Variants in CHRM3 observed in about 807,000 individuals in gnomAD.
CHRM3 encodes cholinergic receptor muscarinic 3.
Under a neutral mutation model 41.8 loss-of-function variants are expected in CHRM3, and 11 were observed. The ratio of observed to expected loss-of-function variants is 0.26; its 90% CI spans 0.17 to 0.44. CHRM3 has a LOEUF of 0.44. Among genes scored for constraint, CHRM3 ranks in the 20% least tolerant of loss-of-function variants. CHRM3 has a pLI of 1.00. For missense variants in CHRM3, 571 were observed against 745.4 expected (o/e 0.77, Z 2.72); for synonymous variants, 297 against 301.4 (o/e 0.99, Z 0.15).
intron 3 of CHRM3, among the ~76,000 whole-genome samples, chr1:239,600,860 A>T (rs1337853635): frequency 7.0e-6 from 1 of 142,454 alleles, no homozygotes; most frequent in African/African-American, 2.6e-5. Context: ...TCTTTCATTC[A>T]TTCCTCATTT....
chr1:239,392,062 T>C (rs1455183290), intron 1 of CHRM3, among the ~76,000 whole-genome samples: 2 of 152,220 alleles, frequency 1.3e-5, no homozygotes, highest in Non-Finnish European at 2.9e-5. Context: ...GTACTGGATT[T>C]AATGTCTGGC....
At chr1:239,742,152 T>C (rs566192068) in intron 5 of CHRM3, among the ~76,000 whole-genome samples, 1 of 152,298 alleles carries the variant, frequency 6.6e-6, no homozygotes, top group Non-Finnish European at 1.5e-5. Context: ...AAGTCAATTT[T>C]ATAATAAAAG....
chr1:239,528,164 G>C (rs1217751087), intron 2 of CHRM3, among the ~76,000 whole-genome samples: 1 of 152,212 alleles, frequency 6.6e-6, no homozygotes. Flanking sequence ...CTTATGCAGA[G>C]ATGATGGCAA....
At chr1:239,459,233 G>C (rs554756163) in intron 1 of CHRM3, among the ~76,000 whole-genome samples, 1 of 151,862 alleles carries the variant, frequency 6.6e-6, no homozygotes, top group South Asian at 2.1e-4. Context: ...GAAAAATCAA[G>C]TACCTATTTT....
At chr1:239,622,120 A>G (rs2165870) in intron 3 of CHRM3, among the ~76,000 whole-genome samples, 113,190 of 152,066 alleles carry the variant, frequency 0.74, 43,341 homozygotes, top group African/African-American at 0.93. Context: ...TTACAGCCTG[A>G]TATACTGAAT....
chr1:239,706,626 A>ACACG (rs1476004677), intron 5 of CHRM3: 1 of 152,022 alleles, frequency 6.6e-6, no homozygotes, highest in African/African-American at 2.5e-5. Context: ...GTACACACAC[A>ACACG]CACACACACA....
At chr1:239,449,702 GCTTT>G (rs1664420140) in intron 1 of CHRM3, among the ~76,000 whole-genome samples, 1 of 151,768 alleles carries the variant, frequency 6.6e-6, no homozygotes, top group Admixed American at 6.6e-5. Context: ...AATTTTCTCA[GCTTT>G]CTATTTAGGA....
chr1:239,411,452 C>T (rs1010638471), intron 1 of CHRM3, among the ~76,000 whole-genome samples: 5 of 152,036 alleles, frequency 3.3e-5, no homozygotes, highest in Admixed American at 2.6e-4. Flanking sequence ...GTGGACCGGG[C>T]GTGGTGGCTC....
At chr1:239,713,771 T>C (rs1055836070) in intron 5 of CHRM3, among the ~76,000 whole-genome samples, 1 of 152,224 alleles carries the variant, frequency 6.6e-6, no homozygotes, top group African/African-American at 2.4e-5. Flanking sequence ...GGCACAATTA[T>C]GATTACTCTC....
chr1:239,871,719 T>G (rs759115187), intron 6 of CHRM3, among the ~76,000 whole-genome samples: 1 of 152,164 alleles, frequency 6.6e-6, no homozygotes, highest in Non-Finnish European at 1.5e-5. Flanking sequence ...CATGATATGG[T>G]TCCCTGAGCT....
chr1:239,611,677 C>CA (rs988019819), intron 3 of CHRM3, among the ~76,000 whole-genome samples: 30 of 152,104 alleles, frequency 2.0e-4, no homozygotes, highest in Admixed American at 5.2e-4. Flanking sequence ...CCTTGGCCTC[C>CA]CAAAGTGCTG....
Position 239,909,190 on chromosome 1 carries a change from T to G in CHRM3, c.1739T>G (p.Ile580Ser). 1 of 1,612,934 alleles carries G rather than the reference T, an allele frequency of 6.2e-7. No individual in the cohort carries two copies. Among genetic ancestry groups the G allele is most frequent in the African/African-American group, 1.3e-5 (1 of 74,962 alleles). Reference sequence around the variant, plus strand: ...CAGTACCAGCAGAGACAGTCGGTCATTTTTCACAAGCGCGCACCCGAGCAG... The same window carrying G: ...CAGTACCAGCAGAGACAGTCGGTCAGTTTTCACAAGCGCGCACCCGAGCAG... Reference protein sequence around the residue: ...KQQYQQRQSVIFHKRAPEQAL With the variant: ...KQQYQQRQSVSFHKRAPEQAL Residue 580 changes from isoleucine to serine, a missense_variant, in exon 7 of 7, where the codon ATT becomes AGT. Transcript: ENST00000676153.
At chr1:239,494,358 T>C (rs1667746529) in intron 2 of CHRM3, among the ~76,000 whole-genome samples, 1 of 152,060 alleles carries the variant, frequency 6.6e-6, no homozygotes, top group Non-Finnish European at 1.5e-5. Flanking sequence ...GTCAGCAGGG[T>C]TGTGACCAAA....
chr1:239,742,083 C>T (rs904237170), intron 5 of CHRM3, among the ~76,000 whole-genome samples: 2 of 69,166 alleles, frequency 2.9e-5, no homozygotes, highest in African/African-American at 4.9e-5. Flanking sequence ...ATCTCTGCAG[C>T]ATGCATACGT....
chr1:239,539,133 A>G lies in CHRM3; in HGVS notation c.-421-6508A>G, dbSNP rs146570169. On this transcript the variant is annotated intron_variant, in intron 2 of 6. Coordinates refer to ENST00000676153, the MANE Select transcript of CHRM3 (RefSeq NM_001375978.1). ...GGACATAACTGCTGTGGGGAAGAAA[A>G]GCCACCCACTCATGCCCAAGAAGCT... Among the ~76,000 whole-genome samples, 48 of 152,284 alleles carry G rather than the reference A, an allele frequency of 3.2e-4. 1 individual carries two copies. In the East Asian group the frequency reaches 8.3e-3, roughly 26 times the overall value.
chr1:239,477,565 A>T (rs1012310890), intron 1 of CHRM3, among the ~76,000 whole-genome samples: 1 of 152,190 alleles, frequency 6.6e-6, no homozygotes, highest in Non-Finnish European at 1.5e-5. Context: ...CCAACTTTTA[A>T]TCAACTTTAA....
rs71567251 is a variant in CHRM3, at chr1:239,585,052, A to AATATAT, written c.-313+39320_-313+39325dup. Among the ~76,000 whole-genome samples, 523 of 144,792 alleles carry AATATAT rather than the reference A, an allele frequency of 3.6e-3. 1 individual carries two copies. The highest frequency in any genetic ancestry group is 5.8e-3 in the Non-Finnish European group (384 of 66,204). The allele number at this position is 144,792 out of a possible 152,430, so 95.0% of individuals were successfully genotyped here. On this transcript the variant is annotated intron_variant, in intron 3 of 6. Transcript: ENST00000676153. ...CCATTCTTCAGGTGAGCAACAATTAAATATATATATATATATATATATGTA... is the reference window on the plus strand; with the variant it reads ...CCATTCTTCAGGTGAGCAACAATTAAATATATATATATATATATATATATATATGTA...
At chr1:239,812,345 G>T (rs1671183457) in intron 5 of CHRM3, among the ~76,000 whole-genome samples, 1 of 152,182 alleles carries the variant, frequency 6.6e-6, no homozygotes, top group Non-Finnish European at 1.5e-5. Context: ...TGGCCAATTT[G>T]ATCATTTTTA....
chr1:239,661,688 G>T (rs190267725), intron 4 of CHRM3, among the ~76,000 whole-genome samples: 3 of 152,176 alleles, frequency 2.0e-5, no homozygotes, highest in African/African-American at 7.2e-5. Flanking sequence ...TGGAGCATGC[G>T]GTATTTTTAA....
Sources: allele counts gnomAD v4.1 joint callset (sites outside exome capture counted in the v4.1 genomes callset), GRCh38; gene constraint gnomAD v4.1.1; transcripts MANE v1.5; gene names NCBI Gene and HGNC (gene_info 2026-07-23, HGNC 2026-07-21).